The following PIKFYVE variants were observed in gnomAD, a reference collection of about 807,000 sequenced individuals.
The protein encoded by PIKFYVE is phosphoinositide kinase, FYVE-type zinc finger containing.
Under a neutral mutation model 257.9 loss-of-function variants are expected in PIKFYVE, and 122 were observed. That is an observed-to-expected ratio of 0.47 (90% confidence interval 0.41 to 0.55). The LOEUF (loss-of-function observed/expected upper bound fraction) is 0.55, where lower values mean the gene tolerates loss of function less well. Ranked by LOEUF, PIKFYVE falls within the 20% of genes least tolerant of loss-of-function variation. The probability of loss-of-function intolerance (pLI) is 0.00; values close to 1 mark genes in which losing one functional copy is unlikely to be tolerated. For missense variants in PIKFYVE, 2,160 were observed against 2,536.6 expected (o/e 0.85, Z 3.19); for synonymous variants, 892 against 868.9 (o/e 1.03, Z -0.47).
rs199503748 is a variant in PIKFYVE at position 208,352,879 on chromosome 2, TA to T, written c.5844+98del. ...AATCAGAGAGTAACATCTTATTTTA[TA>T]GTAAATATTTAACTTTGGTTACTAG... On this transcript the variant is annotated intron_variant, in intron 39 of 41. Coordinates refer to ENST00000264380, the MANE Select transcript of PIKFYVE (RefSeq NM_015040.4). The T allele has an allele frequency of 1.3e-3, 1,853 of 1,453,622 alleles. 17 individuals are homozygous for T. In the East Asian group the frequency reaches 0.024, roughly 19 times the overall value. 90.0% of individuals were successfully genotyped at this position (1,453,622 alleles called of 1,614,324 possible).
chr2:208,317,753 CT>C, intron 15 of PIKFYVE, 113 bp from the exon 16 acceptor site: 1 of 1,001,332 alleles, frequency 1.0e-6, no homozygotes, highest in South Asian at 1.3e-5. Flanking sequence ...ATTTTTTGTT[CT>C]TATTTGATTA....
chr2:208,336,288 G>A (rs971673665), intron 27 of PIKFYVE, 88 bp downstream of exon 27: 2 of 1,479,418 alleles, frequency 1.4e-6, no homozygotes, highest in African/African-American at 2.8e-5. Flanking sequence ...TTTAATTATG[G>A]ATGTTTCATT....
intron 9 of PIKFYVE, among the ~76,000 whole-genome samples, chr2:208,301,329 G>A (rs1261782673): frequency 6.6e-6 from 1 of 152,130 alleles, no homozygotes; most frequent in East Asian, 1.9e-4. Flanking sequence ...CTTATTAAAA[G>A]CAGAAGAACT....
Position 208,326,405 on chromosome 2 carries a change from G to T in PIKFYVE, c.3594G>T (p.Leu1198=), listed in dbSNP as rs779459126. ...NEGDEERGLI[L]SDAVWSTKVD... ...GTGATGAAGAGAGAGGGCTTATTCT[G>T]AGTGATGCTGTGTGGTCAACAAAGG... Residue 1198 remains leucine, a synonymous_variant, in exon 20 of 42, where the codon CTG becomes CTT. Coordinates refer to ENST00000264380, the MANE Select transcript of PIKFYVE (RefSeq NM_015040.4). The T allele has an allele frequency of 6.2e-7, 1 of 1,614,068 alleles. No homozygotes were observed. The highest frequency in any genetic ancestry group is 8.5e-7 in the Non-Finnish European group (1 of 1,179,978).
chr2:208,297,110 G>C (rs1693086427), intron 7 of PIKFYVE, among the ~76,000 whole-genome samples: 1 of 152,136 alleles, frequency 6.6e-6, no homozygotes, highest in Admixed American at 6.5e-5. Flanking sequence ...TAAGTCTTTA[G>C]GAAAGACGTA....
At chr2:208,304,437 G>A in intron 11 of PIKFYVE, 119 bp downstream of exon 11, 1 of 1,309,770 alleles carries the variant, frequency 7.6e-7, no homozygotes, top group Non-Finnish European at 1.1e-6. Context: ...CAACTAAATG[G>A]AAACATCTGA....
intron 24 of PIKFYVE, chr2:208,334,590 CTTACAAGTCT>C (rs1476501072): frequency 6.6e-6 from 1 of 152,558 alleles, no homozygotes; most frequent in Non-Finnish European, 1.5e-5. Flanking sequence ...TTCCTTGTGT[CTTACAAGTCT>C]TTGCTCACAT....
chr2:208,351,751 G>A (rs1334281100), intron 38 of PIKFYVE, among the ~76,000 whole-genome samples: 2 of 152,106 alleles, frequency 1.3e-5, no homozygotes, highest in Admixed American at 1.3e-4. Flanking sequence ...GGGGGTGGGG[G>A]AAAGTGCTGC....
At chr2:208,291,529 A>G (rs1434459872) in intron 7 of PIKFYVE, among the ~76,000 whole-genome samples, 2 of 152,060 alleles carry the variant, frequency 1.3e-5, no homozygotes, top group Non-Finnish European at 2.9e-5. Context: ...TCTTCAGGAA[A>G]ATTTTGTGGA....
Position 208,325,639 on chromosome 2 carries a change from A to T in PIKFYVE, c.2828A>T (p.Asn943Ile). The T allele has an allele frequency of 6.2e-7, 1 of 1,614,166 alleles. No individual in the cohort carries two copies. Among genetic ancestry groups the T allele is most frequent in the Non-Finnish European group, 8.5e-7 (1 of 1,180,036 alleles). Residue 943 changes from asparagine to isoleucine, a missense_variant, in exon 20 of 42, where the codon AAT becomes ATT. Asn to Ile is a moderately radical substitution (Grantham distance 149). Coordinates refer to ENST00000264380, the MANE Select transcript of PIKFYVE (RefSeq NM_015040.4). ...RIVFEKGEQE[N>I]KNLPQAVASV... ...GTGTTTGAGAAGGGTGAGCAGGAAA[A>T]TAAAAATCTTCCGCAGGCTGTTGCC...
At position 208,301,160 on chromosome 2, in the gene PIKFYVE, TAGTA is replaced by T. The variant is rs1693631393; in HGVS notation, c.1208+69_1208+72del. 4 of 1,572,602 alleles carry T rather than the reference TAGTA, an allele frequency of 2.5e-6. No individual in the cohort carries two copies. The Admixed American group carries it at 5.1e-5, about 20-fold the overall frequency. On this transcript the variant is annotated intron_variant, in intron 9 of 41. Transcript: ENST00000264380. ...TTGAATGAGAAAACATATTTGAAGA[TAGTA>T]AGAGTTACAGATTTCTTTGTAGAGT...
chr2:208,321,829 G>A (rs564515309), intron 17 of PIKFYVE, among the ~76,000 whole-genome samples: 1 of 152,046 alleles, frequency 6.6e-6, no homozygotes, highest in East Asian at 1.9e-4. Flanking sequence ...ATCCGCCCGA[G>A]GCGTCCCAAA....
Position 208,325,121 on chromosome 2 carries a change from TTAA to T in PIKFYVE, c.2458+87_2458+89del, listed in dbSNP as rs572280897. The stretch of plus-strand genomic sequence containing the variant: ...ATGTTTACTTACTAGGAAATACCTA[TTAA>T]TAGTGGGTAAGTGAGGATAGGCAAC... On this transcript the variant is annotated intron_variant, in intron 19 of 41. Transcript: ENST00000264380. 2.8e-5 allele frequency: 44 copies of T among 1,593,282 alleles called. No individual in the cohort carries two copies. The South Asian group carries it at 4.8e-4, about 17-fold the overall frequency.
rs368469424 is a variant in PIKFYVE, at chr2:208,339,563, T to A, written c.4810+8T>A. 6.1e-5 allele frequency: 98 copies of A among 1,613,924 alleles called. No individual in the cohort carries two copies. The highest frequency in any genetic ancestry group is 7.8e-5 in the Non-Finnish European group (92 of 1,179,950). The stretch of plus-strand genomic sequence containing the variant: ...CAGCCAGCAGTTCCGAAGGTAGAGG[T>A]TAAGTCACTTTTACCATATTTCATT... On this transcript the variant is annotated splice_region_variant and intron_variant, in intron 30 of 41. Coordinates refer to ENST00000264380, the MANE Select transcript of PIKFYVE (RefSeq NM_015040.4).
Position 208,280,326 on chromosome 2 carries a change from A to C in PIKFYVE, c.613+2618A>C, listed in dbSNP as rs1162095903. Among the ~76,000 whole-genome samples, 3 of 152,170 alleles carry C rather than the reference A, an allele frequency of 2.0e-5. No individual in the cohort carries two copies. The East Asian group carries it at 5.8e-4, about 29-fold the overall frequency. Reference sequence around the variant, plus strand: ...GTTGTCTATTCTAACTGTATGTTCTAGAACTGGGGAAATAACCATAGAGTG... The same window carrying C: ...GTTGTCTATTCTAACTGTATGTTCTCGAACTGGGGAAATAACCATAGAGTG... On this transcript the variant is annotated intron_variant, in intron 5 of 41. Transcript: ENST00000264380.
chr2:208,321,415 ACT>A (rs147773900), intron 17 of PIKFYVE, among the ~76,000 whole-genome samples: 1,621 of 151,826 alleles, frequency 0.011, 30 homozygotes, highest in Non-Finnish European at 0.015. Context: ...GCTTTATAAA[ACT>A]CTGCTGTTAT....
intron 7 of PIKFYVE, among the ~76,000 whole-genome samples, chr2:208,295,328 C>T (rs912159307): frequency 6.6e-6 from 1 of 152,218 alleles, no homozygotes; most frequent in African/African-American, 2.4e-5. Flanking sequence ...TGTTCTCTTA[C>T]ATAACAAATT....
At chr2:208,296,013 A>AT (rs996291100) in intron 7 of PIKFYVE, among the ~76,000 whole-genome samples, 69 of 145,410 alleles carry the variant, frequency 4.7e-4, no homozygotes, top group Admixed American at 9.0e-4. Flanking sequence ...ATGACATGAC[A>AT]TTTTTTTTTT....
chr2:208,297,752 G>C (rs1693166136), intron 7 of PIKFYVE, among the ~76,000 whole-genome samples: 1 of 151,426 alleles, frequency 6.6e-6, no homozygotes, highest in African/African-American at 2.4e-5. Flanking sequence ...TTATGTGGAG[G>C]CTAAAATTGG....
Sources: allele counts gnomAD v4.1 joint callset (sites outside exome capture counted in the v4.1 genomes callset), GRCh38; gene constraint gnomAD v4.1.1; transcripts MANE v1.5; gene names NCBI Gene and HGNC (gene_info 2026-07-23, HGNC 2026-07-21).